Variants in NUP98 observed in about 807,000 individuals in gnomAD.
The protein encoded by NUP98 is nucleoporin 98 and 96 precursor, also known as nuclear pore complex protein Nup98-Nup96.
In NUP98, 26 loss-of-function variants were observed where a neutral mutation model predicts 191.9. The observed-to-expected ratio is 0.14, with a 90% confidence interval of 0.10 to 0.19. NUP98 has a LOEUF of 0.19. Ranked by LOEUF, NUP98 falls within the 10% of genes least tolerant of loss-of-function variation. The probability of loss-of-function intolerance (pLI) is 1.00; values close to 1 mark genes in which losing one functional copy is unlikely to be tolerated. For synonymous variants in NUP98, 808 were observed against 778.4 expected, an observed-to-expected ratio of 1.04 and a Z score of -0.63; for missense variants, 1,941 against 2,178.8, an observed-to-expected ratio of 0.89 and a Z score of 2.17.
At chr11:3,697,112 TA>T (rs1250050746) in intron 25 of NUP98, 2 of 151,754 alleles carry the variant, frequency 1.3e-5, no homozygotes, top group African/African-American at 4.8e-5. Flanking sequence ...ACAAAGACCA[TA>T]AATAGTACCA....
intron 5 of NUP98, among the ~76,000 whole-genome samples, chr11:3,775,408 C>T (rs1045395597): frequency 2.6e-5 from 4 of 151,954 alleles, no homozygotes; most frequent in African/African-American, 9.7e-5. Context: ...TGGTGGTGGA[C>T]TCTTGTAATC....
intron 16 of NUP98, among the ~76,000 whole-genome samples, chr11:3,722,304 T>C (rs117615504): frequency 9.9e-5 from 15 of 151,872 alleles, no homozygotes; most frequent in Admixed American, 5.9e-4. Flanking sequence ...ATTGTAGATA[T>C]CAGGTCTTGC....
chr11:3,736,635 C>T (rs2134317696), intron 12 of NUP98, among the ~76,000 whole-genome samples: 1 of 152,138 alleles, frequency 6.6e-6, no homozygotes, highest in East Asian at 1.9e-4. Flanking sequence ...CTCAAACAAA[C>T]AAACAAAAAA....
rs549629436 is a variant in NUP98 at position 3,714,310 on chromosome 11, C to T, written c.2400-315G>A. ...TTATTTAAGTTACAGTCCAGTGGTACGAACCAAGTCTTATGCAGGTCTTAA... is the reference window on the plus strand; with the variant it reads ...TTATTTAAGTTACAGTCCAGTGGTATGAACCAAGTCTTATGCAGGTCTTAA... On this transcript the variant is annotated intron_variant, in intron 18 of 32. Transcript: ENST00000324932. Among the ~76,000 whole-genome samples the T allele has an allele frequency of 1.6e-3, 243 of 152,212 alleles. 1 individual carries two copies. The highest frequency in any genetic ancestry group is 2.7e-3 in the Non-Finnish European group (182 of 68,024).
At chr11:3,690,402 G>A (rs1224760000) in intron 28 of NUP98, among the ~76,000 whole-genome samples, 3 of 152,036 alleles carry the variant, frequency 2.0e-5, no homozygotes, top group Admixed American at 6.6e-5. Context: ...TGGGACTACG[G>A]GCGCCCGCCA....
At position 3,793,434 on chromosome 11, in the gene NUP98, C is replaced by T. The variant is rs183609555; in HGVS notation, c.-29+3966G>A. 2.2e-3 allele frequency among the ~76,000 whole-genome samples: 336 copies of T among 151,820 alleles called. 10 individuals are homozygous for T. The highest frequency in any genetic ancestry group is 0.018 in the Admixed American group (275 of 15,264). On this transcript the variant is annotated intron_variant, in intron 1 of 32. Coordinates refer to ENST00000324932, the MANE Select transcript of NUP98 (RefSeq NM_016320.5). ...CTCCCAGTAGCTGGGACTACAGGTG[C>T]GTGTCACTGTGCCCAACTAATTTTT...
chr11:3,732,898 C>A (rs140643876), intron 13 of NUP98, among the ~76,000 whole-genome samples: 2 of 152,338 alleles, frequency 1.3e-5, no homozygotes, highest in African/African-American at 4.8e-5. Context: ...TTTCACAATT[C>A]TTTGGCTGGA....
chr11:3,757,905 T>C (rs1243855682), intron 10 of NUP98, among the ~76,000 whole-genome samples: 2 of 152,192 alleles, frequency 1.3e-5, no homozygotes, highest in East Asian at 1.9e-4. Flanking sequence ...AAATTGGTTC[T>C]TGAGGGACTA....
intron 8 of NUP98, among the ~76,000 whole-genome samples, chr11:3,765,530 T>C (rs1023083830): frequency 6.6e-6 from 1 of 152,248 alleles, no homozygotes; most frequent in Non-Finnish European, 1.5e-5. Flanking sequence ...CCAGGCATAG[T>C]GGCTCACACC....
intron 18 of NUP98, among the ~76,000 whole-genome samples, chr11:3,718,770 AGG>A (rs1467583236): frequency 1.3e-5 from 2 of 152,222 alleles, no homozygotes; most frequent in Non-Finnish European, 2.9e-5. Context: ...CAGCAGAAAC[AGG>A]AATAAAGCAA....
chr11:3,702,320 CTCTCTCTCTCTCTCTCTCT>C, intron 23 of NUP98, 124 bp downstream of exon 23: 1 of 99,050 alleles, frequency 1.0e-5, no homozygotes, highest in Non-Finnish European at 1.6e-5. Context: ...CACACTCTCT[CTCTCTCTCTCTCTCTCTCT>C]CTCTCTCTCT....
intron 21 of NUP98, among the ~76,000 whole-genome samples, chr11:3,705,915 C>T (rs998517613): frequency 6.7e-6 from 1 of 149,712 alleles, no homozygotes; most frequent in African/African-American, 2.5e-5. Context: ...TCTGGAAGGC[C>T]AACGCGGGCA....
At chr11:3,686,588 T>C (rs2078140421) in intron 28 of NUP98, among the ~76,000 whole-genome samples, 1 of 152,204 alleles carries the variant, frequency 6.6e-6, no homozygotes, top group Admixed American at 6.5e-5. Flanking sequence ...AGTATCCTTT[T>C]CTTTCTTTCT....
At chr11:3,768,200 T>C (rs932581888) in intron 8 of NUP98, among the ~76,000 whole-genome samples, 1 of 151,990 alleles carries the variant, frequency 6.6e-6, no homozygotes, top group Non-Finnish European at 1.5e-5. Context: ...GGTGGGCGGA[T>C]CACGAGGTCA....
chr11:3,705,534 C>T (rs1242879898), intron 21 of NUP98, among the ~76,000 whole-genome samples, 178 bp from the exon 22 acceptor site: 1 of 152,180 alleles, frequency 6.6e-6, no homozygotes, highest in East Asian at 1.9e-4. Flanking sequence ...AGGCAGAATT[C>T]ATATAATACT....
intron 20 of NUP98, among the ~76,000 whole-genome samples, chr11:3,708,358 T>C (rs1246817540): frequency 6.6e-6 from 1 of 152,130 alleles, no homozygotes; most frequent in African/African-American, 2.4e-5. Flanking sequence ...ACACTGCTAA[T>C]AGCAAGAGAT....
intron 1 of NUP98, among the ~76,000 whole-genome samples, chr11:3,796,313 T>C (rs1051702217): frequency 6.6e-6 from 1 of 152,230 alleles, no homozygotes; most frequent in Non-Finnish European, 1.5e-5. Flanking sequence ...GTCTTATCAA[T>C]ATTTCCTGCT....
chr11:3,781,062 T>C (rs1176865090), intron 2 of NUP98, among the ~76,000 whole-genome samples: 5 of 151,790 alleles, frequency 3.3e-5, no homozygotes, highest in Non-Finnish European at 2.9e-5. Context: ...GGTGTGCAAC[T>C]GTGGTCCTAG....
chr11:3,723,492 A>G, intron 15 of NUP98, 37 bp from the exon 16 acceptor site: 1 of 1,560,114 alleles, frequency 6.4e-7, no homozygotes, highest in South Asian at 1.1e-5. Context: ...AGCCTCTTGT[A>G]GTAGTAATAA....
Sources: gnomAD v4.1 joint callset for allele counts (sites outside exome capture counted in the v4.1 genomes callset) on GRCh38, gnomAD v4.1.1 for gene constraint, MANE v1.5 for transcripts, NCBI Gene and HGNC (gene_info 2026-07-23, HGNC 2026-07-21) for gene names.